The following ARVCF variants were observed in gnomAD, a reference collection of about 807,000 sequenced individuals.
ARVCF encodes the protein splicing regulator ARVCF.
Under a neutral mutation model 90.9 loss-of-function variants are expected in ARVCF, and 66 were observed. The observed-to-expected ratio is 0.73, with a 90% CI of 0.60 to 0.89. ARVCF has a LOEUF of 0.89. ARVCF is among the 40% of genes least tolerant of loss of function. ARVCF has a pLI of 0.00. For synonymous variants in ARVCF, 653 were observed against 603.4 expected (o/e 1.08, Z -1.21); for missense variants, 1,469 against 1,382.3 (o/e 1.06, Z -1.00).
Position 19,972,997 on chromosome 22 carries a change from C to T in ARVCF, c.2478G>A (p.Leu826=), listed in dbSNP as rs1357660585. The change falls in exon 15 of 20, where the codon CTG becomes CTA. Residue 826 remains leucine (L), a synonymous_variant. Transcript: ENST00000263207. ...GCTCCTTGTAGCTCCACACTGTCTG[C>T]AGCACGTGTGACGCCGCCTTCGCTT... The part of the protein sequence containing the change: ...VREAKAASHV[L]QTVWSYKELR... 2 of 1,613,584 alleles carry T rather than the reference C, an allele frequency of 1.2e-6. No homozygotes were observed. Among genetic ancestry groups the T allele is most frequent in the Admixed American group, 3.3e-5 (2 of 60,030 alleles).
downstream of ARVCF, chr22:19,968,647 C>T (rs752035611): frequency 1.1e-5 from 18 of 1,614,096 alleles, no homozygotes; most frequent in Non-Finnish European, 1.5e-5. Context: ...TGAGTGCACA[C>T]ACTACCAATC....
intron 2 of ARVCF, among the ~76,000 whole-genome samples, chr22:20,000,632 C>T (rs937236085): frequency 2.6e-5 from 4 of 152,206 alleles, no homozygotes; most frequent in African/African-American, 4.8e-5. Context: ...GTGCAGCCAC[C>T]CACACTGCTA....
intron 1 of ARVCF, among the ~76,000 whole-genome samples, chr22:20,016,172 C>A (rs955126468): frequency 2.4e-4 from 37 of 152,300 alleles, no homozygotes; most frequent in African/African-American, 8.7e-4. Flanking sequence ...GGAAAGTTCC[C>A]GGCCTGCCGC....
Position 19,973,164 on chromosome 22 carries a change from A to C in ARVCF, c.2393T>G (p.Leu798Arg), listed in dbSNP as rs752969936. Residue 798 changes from leucine (L) to arginine (R), a missense_variant, in exon 14 of 20, where the codon CTG (leucine) becomes CGG (arginine). Leu to Arg is a moderately radical substitution (Grantham distance 102). Coordinates refer to ENST00000263207, the MANE Select transcript of ARVCF (RefSeq NM_001670.3). Reference sequence around the variant, plus strand: ...CAACGCTGGCACCCCGCGTGCCTGCAGGAGCGAGCGCGCGTTATCCAGGCT... The same window carrying C: ...CAACGCTGGCACCCCGCGTGCCTGCCGGAGCGAGCGCGCGTTATCCAGGCT... The part of the protein sequence containing the change: ...SDSLDNARSL[L>R]QARGVPALVA... 1.2e-6 allele frequency: 2 copies of C among 1,607,080 alleles called. No homozygotes were observed. The highest frequency in any genetic ancestry group is 1.3e-5 in the African/African-American group (1 of 74,240).
Position 19,974,178 on chromosome 22 carries a change from G to A in ARVCF, c.2022C>T (p.Ser674=). The stretch of plus-strand genomic sequence containing the variant: ...CAGCCTCCAGGGTGTTGAAGTTCCG[G>A]CTCTCCGTGAGGAGGGAGAGGTAGA... The part of the protein sequence containing the change: ...VRLYLSLLTE[S]RNFNTLEAAA... Residue 674 remains serine, a synonymous_variant, in exon 12 of 20, where the codon AGC becomes AGT. Transcript: ENST00000263207. 6.8e-6 allele frequency: 11 copies of A among 1,612,934 alleles called. No homozygotes were observed. The highest frequency in any genetic ancestry group is 9.3e-6 in the Non-Finnish European group (11 of 1,179,828).
chr22:20,009,688 A>AT (rs1339044168), intron 2 of ARVCF, among the ~76,000 whole-genome samples: 12 of 152,180 alleles, frequency 7.9e-5, no homozygotes, highest in Admixed American at 7.2e-4. Flanking sequence ...ATGCCTTACC[A>AT]TCCTTCAGAG....
At position 19,979,067 on chromosome 22, in the gene ARVCF, G is replaced by A. The variant is rs1943329959; in HGVS notation, c.1410C>T (p.Asn470=). 2 of 1,612,544 alleles carry A rather than the reference G, an allele frequency of 1.2e-6. No homozygotes were observed. Among genetic ancestry groups the A allele is most frequent in the Non-Finnish European group, 8.5e-7 (1 of 1,179,424 alleles). Residue 470 remains asparagine (N), a synonymous_variant, in exon 7 of 20, where the codon AAC becomes AAT. Coordinates refer to ENST00000263207, the MANE Select transcript of ARVCF (RefSeq NM_001670.3). ...TCTTCAGGGGCTCATAGGATGACAG[G>A]TTCCACAGGGTGCCTGTGGGGTGCG... ...VRELVTGTLW[N]LSSYEPLKMV... is the part of the protein sequence containing the mutation.
At chr22:19,975,577 T>A (rs2146265642) in intron 11 of ARVCF, 109 bp downstream of exon 11, 3 of 1,244,730 alleles carry the variant, frequency 2.4e-6, no homozygotes, top group South Asian at 1.3e-5. Flanking sequence ...TTTCCCCATC[T>A]GTTCCCTGAG....
At position 19,996,867 on chromosome 22, in the gene ARVCF, G is replaced by A. The variant is rs148091633; in HGVS notation, c.-18-6055C>T. Among the ~76,000 whole-genome samples, 490 of 152,346 alleles carry A rather than the reference G, an allele frequency of 3.2e-3. 4 individuals are homozygous for A. The highest frequency in any genetic ancestry group is 5.1e-3 in the Non-Finnish European group (346 of 68,032). ...ATTTGATTTCCCCAGCAGAGGCAAT[G>A]AGCCAGGCTGGATGAGACGCCATCG... On this transcript the variant is annotated intron_variant, in intron 2 of 19. Coordinates refer to ENST00000263207, the MANE Select transcript of ARVCF (RefSeq NM_001670.3).
chr22:19,990,360 G>T (rs1426151303), intron 3 of ARVCF, among the ~76,000 whole-genome samples: 1 of 152,204 alleles, frequency 6.6e-6, no homozygotes, highest in African/African-American at 2.4e-5. Flanking sequence ...TCAGTGGAGG[G>T]TGCTGTTCTG....
chr22:20,000,914 T>C (rs1944421394), intron 2 of ARVCF, among the ~76,000 whole-genome samples: 1 of 152,136 alleles, frequency 6.6e-6, no homozygotes, highest in Non-Finnish European at 1.5e-5. Flanking sequence ...CTGTTGTTTA[T>C]AAAGGACTCC....
chr22:19,981,429 G>A lies in ARVCF; in HGVS notation c.678C>T (p.Cys226=). Residue 226 remains cysteine (C), a synonymous_variant, in exon 5 of 20, where the codon TGC becomes TGT. Transcript: ENST00000263207. ...CTTCCCGGTGGCCAGGCAGTGTGAA[G>A]CAGCCATCACCAGGGCCTGGGCCAA... ...GPLGPGPGDG[C]FTLPGHREAF... is the part of the protein sequence containing the mutation. 6.4e-7 allele frequency: 1 copy of A among 1,571,144 alleles called. No individual in the cohort carries two copies. Among genetic ancestry groups the A allele is most frequent in the Non-Finnish European group, 8.6e-7 (1 of 1,160,848 alleles).
chr22:20,015,778 T>C (rs1945064996), intron 1 of ARVCF, among the ~76,000 whole-genome samples: 1 of 152,242 alleles, frequency 6.6e-6, no homozygotes, highest in Non-Finnish European at 1.5e-5. Flanking sequence ...TTTCTTTTCC[T>C]TATTTCTAAA....
At chr22:20,010,214 G>C (rs753074956) in intron 2 of ARVCF, among the ~76,000 whole-genome samples, 2 of 152,236 alleles carry the variant, frequency 1.3e-5, no homozygotes, top group Non-Finnish European at 1.5e-5. Flanking sequence ...CCTAAAGCCA[G>C]ACATCAAACC....
At position 19,990,624 on chromosome 22, in the gene ARVCF, CCCACTGCCCATGCCA is replaced by C; in HGVS notation, c.156_170del (p.Gly53_Gly57del). 1 of 1,609,846 alleles carries C rather than the reference CCCACTGCCCATGCCA, an allele frequency of 6.2e-7. No homozygotes were observed. ...GTTGCCAGGCCATTGGCAGGGGCTG[CCCACTGCCCATGCCA>C]CCACTGACCATGCCAGGCTGCTGGG... On this transcript the variant is annotated inframe_deletion, in exon 3 of 20. Coordinates refer to ENST00000263207, the MANE Select transcript of ARVCF (RefSeq NM_001670.3).
chr22:20,008,355 C>T (rs62223723), intron 2 of ARVCF, among the ~76,000 whole-genome samples: 9,697 of 152,274 alleles, frequency 0.064, 394 homozygotes, highest in Non-Finnish European at 0.097. Flanking sequence ...CCCCGCCAGC[C>T]CTTCTCACTC....
chr22:19,989,155 T>G (rs929824675), intron 3 of ARVCF, among the ~76,000 whole-genome samples: 6 of 151,932 alleles, frequency 3.9e-5, no homozygotes, highest in African/African-American at 1.5e-4. Context: ...GCCTCAAGTT[T>G]GAGGGTAGAG....
chr22:19,974,718 C>A (rs1251179946), intron 11 of ARVCF, among the ~76,000 whole-genome samples: 2 of 151,958 alleles, frequency 1.3e-5, no homozygotes, highest in Non-Finnish European at 2.9e-5. Context: ...GAGAGCTACG[C>A]CCCCTAGCAA....
chr22:19,993,714 G>A (rs1944115707), intron 2 of ARVCF, among the ~76,000 whole-genome samples: 1 of 152,258 alleles, frequency 6.6e-6, no homozygotes, highest in Non-Finnish European at 1.5e-5. Flanking sequence ...CCGCAAGGCA[G>A]GAATGACATT....
Sources: allele counts gnomAD v4.1 joint callset (sites outside exome capture counted in the v4.1 genomes callset), GRCh38; gene constraint gnomAD v4.1.1; transcripts MANE v1.5; gene names NCBI Gene and HGNC (gene_info 2026-07-23, HGNC 2026-07-21).